Variants in PCM1 observed in about 807,000 individuals in gnomAD.
The protein encoded by PCM1 is pericentriolar material 1.
A neutral mutation model predicts 241.9 loss-of-function variants in PCM1; 157 were observed. The observed-to-expected ratio is 0.65, with a 90% CI of 0.57 to 0.74. The LOEUF (loss-of-function observed/expected upper bound fraction) is 0.74. Ranked by LOEUF, PCM1 falls within the 30% of genes least tolerant of loss-of-function variation. The probability of loss-of-function intolerance (pLI) is 0.00; values close to 1 mark genes in which losing one functional copy is unlikely to be tolerated. For synonymous variants in PCM1, 1,085 were observed against 784.9 expected (o/e 1.38, Z -6.39); for missense variants, 3,478 against 2,360.1 (o/e 1.47, Z -9.81).
chr8:18,029,485 T>G lies in PCM1; in HGVS notation c.*1823T>G. ...GGTACTCAAGCCCAGCCTTACATAC[T>G]GTGTTTCTCTCTCTGTCTGCATGCA... On this transcript the variant is annotated 3_prime_UTR_variant, in exon 39 of 39. Coordinates refer to ENST00000325083, the MANE Select transcript of PCM1 (RefSeq NM_006197.4). The G allele has an allele frequency of 4.6e-6, 1 of 216,010 alleles. No individual in the cohort carries two copies. Among genetic ancestry groups the G allele is most frequent in the Non-Finnish European group, 9.3e-6 (1 of 106,982 alleles). 13.4% of individuals were successfully genotyped at this position (216,010 alleles called of 1,614,324 possible).
In PCM1 at chr8:17,960,242, CTG is replaced by C; in HGVS notation, c.2193-69_2193-68del. On this transcript the variant is annotated intron_variant, in intron 14 of 38. Coordinates refer to ENST00000325083, the MANE Select transcript of PCM1 (RefSeq NM_006197.4). ...TTTGGAGAAGGTGCTCAGCTAGGTACTGTGTTATGTTGTGCCTAATGCTTCAT... is the reference window on the plus strand; with the variant it reads ...TTTGGAGAAGGTGCTCAGCTAGGTACTGTTATGTTGTGCCTAATGCTTCAT... 11 of 1,559,372 alleles carry C rather than the reference CTG, an allele frequency of 7.1e-6. No individual in the cohort carries two copies. The South Asian group carries it at 1.3e-4, about 18-fold the overall frequency.
In PCM1 at chr8:17,924,760, C is replaced by T. The variant is rs571234346; in HGVS notation, c.-43C>T. The T allele has an allele frequency of 1.7e-4, 26 of 152,114 alleles. No homozygotes were observed. Among genetic ancestry groups the T allele is most frequent in the Non-Finnish European group, 3.2e-4 (22 of 68,022 alleles). The allele number at this position is 152,114 out of a possible 1,614,324, so 9.4% of individuals were successfully genotyped here. On this transcript the variant is annotated 5_prime_UTR_variant, in exon 2 of 39. Transcript: ENST00000325083. ...CGGGAAAGGAGCAGTTTCTGAGCTG[C>T]AAAAACTAGTTTCTAAACAGGTAAT...
intron 26 of PCM1, among the ~76,000 whole-genome samples, chr8:17,986,627 C>T (rs1386917452): frequency 2.0e-5 from 3 of 151,666 alleles, no homozygotes; most frequent in African/African-American, 7.2e-5. Flanking sequence ...ATTCAGTAAG[C>T]TGTGTCCTCC....
At chr8:18,009,401 T>C (rs912151081) in intron 30 of PCM1, 146 bp from the exon 31 acceptor site, 2 of 608,834 alleles carry the variant, frequency 3.3e-6, no homozygotes, top group East Asian at 2.8e-5. Flanking sequence ...CTTAGTAATA[T>C]AGCAGTATTC....
chr8:17,986,596 G>A (rs1314922300), intron 26 of PCM1, among the ~76,000 whole-genome samples: 2 of 151,558 alleles, frequency 1.3e-5, no homozygotes, highest in Admixed American at 1.3e-4. Context: ...ATGGAGAAGA[G>A]TGCTAAGGAG....
rs551909289 is a variant in PCM1, at chr8:17,968,730, A to ATGTGTGTGTGTGTGTG, written c.3413-829_3413-814dup. 4.4e-3 allele frequency among the ~76,000 whole-genome samples: 586 copies of ATGTGTGTGTGTGTGTG among 134,682 alleles called. 2 individuals are homozygous for ATGTGTGTGTGTGTGTG. Among genetic ancestry groups the ATGTGTGTGTGTGTGTG allele is most frequent in the African/African-American group, 0.015 (501 of 34,082 alleles). 88.4% of individuals were successfully genotyped at this position (134,682 alleles called of 152,430 possible). ...AATGTGTATATATATGGATGTATAT[A>ATGTGTGTGTGTGTGTG]TGTGTGTGTGTGTGTGTGTGTGTGT... On this transcript the variant is annotated intron_variant, in intron 21 of 38. Coordinates refer to ENST00000325083, the MANE Select transcript of PCM1 (RefSeq NM_006197.4).
chr8:18,010,953 A>G (rs980630289), intron 32 of PCM1, among the ~76,000 whole-genome samples: 2 of 152,250 alleles, frequency 1.3e-5, no homozygotes, highest in African/African-American at 4.8e-5. Flanking sequence ...AGCCTGGGCA[A>G]CAGAGCTAGA....
intron 28 of PCM1, among the ~76,000 whole-genome samples, 194 bp from the exon 29 acceptor site, chr8:17,993,289 A>G (rs2085434556): frequency 6.6e-6 from 1 of 152,114 alleles, no homozygotes; most frequent in African/African-American, 2.4e-5. Flanking sequence ...AAAAATTTAA[A>G]TATGTGATAT....
In PCM1 at chr8:18,027,545, T is replaced by C. The variant is rs2094324868; in HGVS notation, c.6050-92T>C. The C allele has an allele frequency of 7.5e-6, 6 of 801,344 alleles. No homozygotes were observed. In the East Asian group the frequency reaches 1.3e-4, roughly 18 times the overall value. The allele number at this position is 801,344 out of a possible 1,614,324, so 49.6% of individuals were successfully genotyped here. ...TAGGATTTCTTTTATAATAACGTTA[T>C]ATTAAAAGTAAAAGCTTTAATGACA... On this transcript the variant is annotated intron_variant, in intron 38 of 38. Coordinates refer to ENST00000325083, the MANE Select transcript of PCM1 (RefSeq NM_006197.4).
chr8:17,923,365 C>A (rs1242754913), intron 1 of PCM1, among the ~76,000 whole-genome samples, 177 bp downstream of exon 1: 1 of 152,206 alleles, frequency 6.6e-6, no homozygotes. Flanking sequence ...TCAGTCCGCC[C>A]GCTCCCTCAG....
At chr8:17,942,960 G>T (rs1243717618) in intron 6 of PCM1, among the ~76,000 whole-genome samples, 2 of 148,360 alleles carry the variant, frequency 1.3e-5, no homozygotes, top group African/African-American at 5.0e-5. Context: ...TCCTGCCACT[G>T]TACTCCAGCT....
rs1200414100 is a variant in PCM1, at chr8:17,957,787, T to C, written c.2040+12T>C. On this transcript the variant is annotated intron_variant, in intron 13 of 38. Transcript: ENST00000325083. The stretch of plus-strand genomic sequence containing the variant: ...TTGCTATGGTACAGGTAAATATTGC[T>C]TGGTCTTTTAAAAACCTATTTGTCA... 5 of 1,566,272 alleles carry C rather than the reference T, an allele frequency of 3.2e-6. No homozygotes were observed. The African/African-American group carries it at 4.1e-5, about 13-fold the overall frequency.
At chr8:17,944,216 A>G (rs2299588) in intron 6 of PCM1, among the ~76,000 whole-genome samples, 102,372 of 152,006 alleles carry the variant, frequency 0.67, 35,151 homozygotes, top group Non-Finnish European at 0.74. Context: ...TTCTTCAGAC[A>G]TGATGTCTTA....
chr8:17,950,552 C>T, intron 7 of PCM1, 63 bp from the exon 8 acceptor site: 1 of 818,878 alleles, frequency 1.2e-6, no homozygotes, highest in Non-Finnish European at 2.0e-6. Context: ...TTTTTAGCTT[C>T]TCAGAGATTA....
chr8:17,940,667 G>T (rs189815704), intron 6 of PCM1, among the ~76,000 whole-genome samples: 5 of 152,278 alleles, frequency 3.3e-5, no homozygotes, highest in African/African-American at 1.2e-4. Flanking sequence ...AAATGGGACA[G>T]GATAGCATTT....
At chr8:17,987,281 AATTAT>A (rs2082926466) in intron 26 of PCM1, among the ~76,000 whole-genome samples, 1 of 151,820 alleles carries the variant, frequency 6.6e-6, no homozygotes, top group African/African-American at 2.4e-5. Context: ...ATAGATGTTA[AATTAT>A]ATTAAGGTTT....
chr8:17,923,541 C>T (rs1490475842), intron 1 of PCM1, among the ~76,000 whole-genome samples: 1 of 152,124 alleles, frequency 6.6e-6, no homozygotes, highest in East Asian at 1.9e-4. Flanking sequence ...AGCGGGGACT[C>T]TGGTTTGGGT....
At position 17,965,961 on chromosome 8, in the gene PCM1, T is replaced by G. The variant is rs751882012; in HGVS notation, c.2856-38T>G. Reference sequence around the variant, plus strand: ...TTGCTGTATTTTAAAAACCAAATTATTATGTATGATGACTTAATGCTTTCA... The same window carrying G: ...TTGCTGTATTTTAAAAACCAAATTAGTATGTATGATGACTTAATGCTTTCA... On this transcript the variant is annotated intron_variant, in intron 18 of 38. Coordinates refer to ENST00000325083, the MANE Select transcript of PCM1 (RefSeq NM_006197.4). 1.6e-5 allele frequency: 24 copies of G among 1,475,794 alleles called. 1 individual carries two copies. The South Asian group carries it at 2.9e-4, about 18-fold the overall frequency. The allele number at this position is 1,475,794 out of a possible 1,614,324, so 91.4% of individuals were successfully genotyped here. A position where few individuals can be genotyped will look rare whatever the true frequency, so the allele number is the denominator to read the frequency against.
chr8:17,923,439 C>G (rs182127260), intron 1 of PCM1, among the ~76,000 whole-genome samples: 1 of 152,042 alleles, frequency 6.6e-6, no homozygotes, highest in Non-Finnish European at 1.5e-5. Context: ...GGACTCCCTT[C>G]TTGCCTCCTC....
Sources: gnomAD v4.1 joint callset for allele counts (sites outside exome capture counted in the v4.1 genomes callset) on GRCh38, gnomAD v4.1.1 for gene constraint, MANE v1.5 for transcripts, NCBI Gene and HGNC (gene_info 2026-07-23, HGNC 2026-07-21) for gene names.